Variants in FANCC observed in about 807,000 individuals in gnomAD.
FANCC encodes Fanconi anemia group C protein.
Under a neutral mutation model 71.3 loss-of-function variants are expected in FANCC, and 55 were observed. The ratio of observed to expected loss-of-function variants is 0.77; its 90% CI spans 0.62 to 0.97. The LOEUF (loss-of-function observed/expected upper bound fraction) is 0.97. FANCC is among the 50% of genes least tolerant of loss of function. The probability of loss-of-function intolerance (pLI) is 0.00; values close to 1 mark genes in which losing one functional copy is unlikely to be tolerated. For synonymous variants in FANCC, 275 were observed against 244.9 expected, an observed-to-expected ratio of 1.12 and a Z score of -1.15; for missense variants, 678 against 670.9, an observed-to-expected ratio of 1.01 and a Z score of -0.12.
At chr9:95,128,617 T>C (rs1019021994) in intron 8 of FANCC, among the ~76,000 whole-genome samples, 7 of 152,170 alleles carry the variant, frequency 4.6e-5, no homozygotes, top group African/African-American at 1.7e-4. Flanking sequence ...CTTACTCAGT[T>C]TGTTAGAAGA....
intron 1 of FANCC, among the ~76,000 whole-genome samples, chr9:95,303,354 A>G (rs1489472438): frequency 2.0e-5 from 3 of 152,336 alleles, no homozygotes; most frequent in African/African-American, 7.2e-5. Context: ...GCTAAGTTCA[A>G]AAAGGGACCA....
chr9:95,285,936 A>G (rs900058968), intron 1 of FANCC, among the ~76,000 whole-genome samples: 5 of 152,240 alleles, frequency 3.3e-5, no homozygotes, highest in East Asian at 3.8e-4. Context: ...CTAACAATCT[A>G]TATCTCCAAC....
chr9:95,168,576 G>A lies in FANCC; in HGVS notation c.521+2503C>T, dbSNP rs541265338. Among the ~76,000 whole-genome samples the A allele has an allele frequency of 2.0e-4, 30 of 152,300 alleles. 1 individual carries two copies. The South Asian group carries it at 6.0e-3, about 30-fold the overall frequency. ...GATGGCACCTTGCTCTGTTGCCCAG[G>A]CTGGAGTGCAGTGATGCAATATCAG... On this transcript the variant is annotated intron_variant, in intron 6 of 14. Transcript: ENST00000289081.
chr9:95,285,671 C>T (rs1283437465), intron 1 of FANCC, among the ~76,000 whole-genome samples: 1 of 151,624 alleles, frequency 6.6e-6, no homozygotes, highest in African/African-American at 2.4e-5. Flanking sequence ...AAGATCCTGT[C>T]TTGAAAAAAA....
chr9:95,306,339 T>C (rs954540966), intron 1 of FANCC, among the ~76,000 whole-genome samples: 2 of 152,182 alleles, frequency 1.3e-5, no homozygotes, highest in Non-Finnish European at 2.9e-5. Context: ...CTGGCATTCA[T>C]TGAGGGTTTC....
chr9:95,264,031 C>T (rs1564808970), intron 1 of FANCC, among the ~76,000 whole-genome samples: 1 of 152,154 alleles, frequency 6.6e-6, no homozygotes, highest in African/African-American at 2.4e-5. Context: ...GATAAGGAAA[C>T]CTGAGGGGAC....
chr9:95,179,979 T>C (rs1826240843), intron 4 of FANCC, among the ~76,000 whole-genome samples: 1 of 152,236 alleles, frequency 6.6e-6, no homozygotes, highest in Non-Finnish European at 1.5e-5. Context: ...AGGAAGAAAG[T>C]GGATGTCAGA....
intron 4 of FANCC, among the ~76,000 whole-genome samples, chr9:95,219,773 A>C (rs560076148): frequency 6.6e-6 from 1 of 152,258 alleles, no homozygotes; most frequent in Non-Finnish European, 1.5e-5. Context: ...CTAGAAGAAA[A>C]CCTAGGCGTA....
intron 14 of FANCC, among the ~76,000 whole-genome samples, chr9:95,102,246 C>G (rs909698398): frequency 1.3e-5 from 2 of 152,190 alleles, no homozygotes; most frequent in African/African-American, 4.8e-5. Flanking sequence ...GCAAAAGGCT[C>G]ACACGAACAT....
chr9:95,113,599 T>A (rs997202010), intron 12 of FANCC: 6 of 150,550 alleles, frequency 4.0e-5, no homozygotes, highest in African/African-American at 1.2e-4. Flanking sequence ...TTTGAAGCAA[T>A]ACAGCAAGAC....
chr9:95,258,794 C>T (rs979594887), intron 1 of FANCC, among the ~76,000 whole-genome samples: 16 of 152,198 alleles, frequency 1.1e-4, no homozygotes, highest in East Asian at 7.7e-4. Flanking sequence ...GAAAACCCCA[C>T]TGTCTCAGCC....
intron 4 of FANCC, among the ~76,000 whole-genome samples, chr9:95,185,411 T>C (rs1363785143): frequency 1.3e-5 from 2 of 152,210 alleles, no homozygotes; most frequent in Non-Finnish European, 2.9e-5. Flanking sequence ...AATGCATCCT[T>C]TAGCGAAGTA....
At chr9:95,201,971 C>G (rs1420066447) in intron 4 of FANCC, among the ~76,000 whole-genome samples, 1 of 152,148 alleles carries the variant, frequency 6.6e-6, no homozygotes, top group African/African-American at 2.4e-5. Context: ...CTTAAAGAAG[C>G]ATTTGCAGCT....
At chr9:95,167,982 TGGACCC>T (rs1422368022) in intron 6 of FANCC, among the ~76,000 whole-genome samples, 1 of 152,242 alleles carries the variant, frequency 6.6e-6, no homozygotes, top group Admixed American at 6.5e-5. Context: ...CTTTCACCAG[TGGACCC>T]GGCTAGACAT....
intron 4 of FANCC, among the ~76,000 whole-genome samples, chr9:95,239,339 T>C (rs1390550136): frequency 6.6e-6 from 1 of 152,188 alleles, no homozygotes; most frequent in East Asian, 1.9e-4. Flanking sequence ...AAGTACCTAC[T>C]AGTAAGTAGA....
chr9:95,129,986 C>G (rs768157687), intron 8 of FANCC, among the ~76,000 whole-genome samples: 1 of 152,156 alleles, frequency 6.6e-6, no homozygotes, highest in Non-Finnish European at 1.5e-5. Flanking sequence ...GAAAGCCCAT[C>G]TTCATCCCTC....
At chr9:95,146,022 A>G (rs116186665) in intron 7 of FANCC, among the ~76,000 whole-genome samples, 1,588 of 152,284 alleles carry the variant, frequency 0.01, 29 homozygotes, top group African/African-American at 0.037. Context: ...AAAAATTCTA[A>G]GACAATCAGG....
intron 1 of FANCC, among the ~76,000 whole-genome samples, chr9:95,268,672 G>C (rs887956267): frequency 6.6e-6 from 1 of 152,120 alleles, no homozygotes; most frequent in African/African-American, 2.4e-5. Context: ...GTAATTGTTT[G>C]GATAAACAGT....
intron 4 of FANCC, among the ~76,000 whole-genome samples, chr9:95,206,824 A>C (rs984121138): frequency 2.6e-5 from 4 of 152,086 alleles, no homozygotes; most frequent in African/African-American, 9.7e-5. Flanking sequence ...TTTTTTTTGT[A>C]ACAAAAATTT....
Sources: gnomAD v4.1 joint callset for allele counts (sites outside exome capture counted in the v4.1 genomes callset) on GRCh38, gnomAD v4.1.1 for gene constraint, MANE v1.5 for transcripts, NCBI Gene and HGNC (gene_info 2026-07-23, HGNC 2026-07-21) for gene names.